The following WWOX variants were observed in gnomAD, a reference collection of about 807,000 sequenced individuals.
WWOX encodes the protein WW domain-containing oxidoreductase.
Under a neutral mutation model 46.2 loss-of-function variants are expected in WWOX, and 69 were observed. The ratio of observed to expected loss-of-function variants is 1.49; its 90% confidence interval spans 1.23 to 1.82. The LOEUF (loss-of-function observed/expected upper bound fraction) is 1.82, where lower values mean the gene tolerates loss of function less well. Ranked by LOEUF, WWOX falls within the 40% of genes most tolerant of loss-of-function variation. The probability of loss-of-function intolerance (pLI) is 0.00; values close to 1 mark genes in which losing one functional copy is unlikely to be tolerated. For synonymous variants in WWOX, 359 were observed against 202.6 expected, an observed-to-expected ratio of 1.77 and a Z score of -6.56; for missense variants, 919 against 542.6, an observed-to-expected ratio of 1.69 and a Z score of -6.89.
At chr16:78,189,272 A>C (rs913567427) in intron 5 of WWOX, among the ~76,000 whole-genome samples, 1 of 152,228 alleles carries the variant, frequency 6.6e-6, no homozygotes, top group African/African-American at 2.4e-5. Context: ...CACCTGTGCC[A>C]CGATGGTCTC....
chr16:78,808,176 G>T (rs1461754492), intron 8 of WWOX, among the ~76,000 whole-genome samples: 1 of 152,126 alleles, frequency 6.6e-6, no homozygotes, highest in Non-Finnish European at 1.5e-5. Flanking sequence ...TCCACCTCAA[G>T]ATCATGTCCT....
chr16:78,612,889 A>G (rs1211333370), intron 8 of WWOX, among the ~76,000 whole-genome samples: 2 of 152,226 alleles, frequency 1.3e-5, no homozygotes, highest in African/African-American at 4.8e-5. Context: ...TTAGGGTAAC[A>G]TGAGTGCTCA....
intron 8 of WWOX, among the ~76,000 whole-genome samples, chr16:79,044,278 C>A (rs8046508): frequency 2.6e-5 from 4 of 151,906 alleles, no homozygotes; most frequent in African/African-American, 9.7e-5. Flanking sequence ...TTCCAGCTGG[C>A]GGTCTGATAC....
At chr16:78,460,732 C>T (rs556297582) in intron 8 of WWOX, among the ~76,000 whole-genome samples, 10 of 152,342 alleles carry the variant, frequency 6.6e-5, no homozygotes, top group African/African-American at 1.9e-4. Flanking sequence ...ATTCGATCCA[C>T]GTGGCATAGC....
chr16:78,851,613 T>C (rs2052445067), intron 8 of WWOX, among the ~76,000 whole-genome samples: 1 of 152,222 alleles, frequency 6.6e-6, no homozygotes, highest in African/African-American at 2.4e-5. Flanking sequence ...CACCACTTTG[T>C]CCAACCTAGG....
intron 8 of WWOX, among the ~76,000 whole-genome samples, chr16:78,480,205 C>T (rs568884719): frequency 6.6e-6 from 1 of 152,268 alleles, no homozygotes; most frequent in Non-Finnish European, 1.5e-5. Context: ...TTCAAATCTT[C>T]AGTAGCCAGA....
intron 8 of WWOX, among the ~76,000 whole-genome samples, chr16:78,696,429 C>T (rs1479672167): frequency 6.6e-6 from 1 of 152,094 alleles, no homozygotes; most frequent in Non-Finnish European, 1.5e-5. Context: ...GCTGAGAAAA[C>T]CATACACATC....
At chr16:78,106,421 G>GTTTTT (rs34551316) in intron 1 of WWOX, among the ~76,000 whole-genome samples, 2 of 122,970 alleles carry the variant, frequency 1.6e-5, no homozygotes, top group Admixed American at 8.9e-5. Flanking sequence ...GTTTTTTTTT[G>GTTTTT]TTTTTTTTTT....
At chr16:78,427,507 A>C (rs1368847413) in intron 7 of WWOX, among the ~76,000 whole-genome samples, 1 of 151,744 alleles carries the variant, frequency 6.6e-6, no homozygotes, top group Non-Finnish European at 1.5e-5. Flanking sequence ...GCCCTCCCCC[A>C]CCCCACACAC....
intron 8 of WWOX, among the ~76,000 whole-genome samples, chr16:78,677,828 T>C (rs1467728607): frequency 6.6e-6 from 1 of 152,224 alleles, no homozygotes; most frequent in Non-Finnish European, 1.5e-5. Flanking sequence ...ATTTCCTTTA[T>C]GGTGTCCTTC....
chr16:79,159,361 G>A (rs1292373430), intron 8 of WWOX, among the ~76,000 whole-genome samples: 2 of 152,160 alleles, frequency 1.3e-5, no homozygotes, highest in Non-Finnish European at 2.9e-5. Context: ...AAATGTTCCT[G>A]CAAGTACTGG....
chr16:78,228,464 C>T (rs571921481), intron 5 of WWOX, among the ~76,000 whole-genome samples: 4 of 151,820 alleles, frequency 2.6e-5, no homozygotes, highest in South Asian at 2.1e-4. Context: ...ACCTCAGCCT[C>T]CTGAGCAGCT....
intron 8 of WWOX, among the ~76,000 whole-genome samples, chr16:79,063,223 A>G (rs1406669834): frequency 6.6e-6 from 1 of 152,176 alleles, no homozygotes; most frequent in South Asian, 2.1e-4. Flanking sequence ...ACCTCGAGGT[A>G]TTTTGGATAA....
At chr16:78,401,295 A>T (rs1430349029) in intron 6 of WWOX, among the ~76,000 whole-genome samples, 1 of 152,256 alleles carries the variant, frequency 6.6e-6, no homozygotes, top group Non-Finnish European at 1.5e-5. Context: ...AAGACTGAAT[A>T]TTTTAAGAAA....
intron 8 of WWOX, among the ~76,000 whole-genome samples, chr16:78,980,892 A>G (rs1391577065): frequency 6.6e-6 from 1 of 152,232 alleles, no homozygotes; most frequent in Non-Finnish European, 1.5e-5. Context: ...GGGTAAATGT[A>G]GAGGTGATGG....
At chr16:78,623,171 C>G (rs567052442) in intron 8 of WWOX, among the ~76,000 whole-genome samples, 17 of 151,876 alleles carry the variant, frequency 1.1e-4, no homozygotes, top group African/African-American at 3.9e-4. Flanking sequence ...TCAGCCATGC[C>G]CAGACTCCTA....
chr16:78,881,607 G>A (rs999454710), intron 8 of WWOX, among the ~76,000 whole-genome samples: 6 of 152,184 alleles, frequency 3.9e-5, no homozygotes, highest in Non-Finnish European at 7.3e-5. Flanking sequence ...GTGACTTGAT[G>A]TAAGGTATCT....
chr16:78,656,697 C>A (rs953080636), intron 8 of WWOX, among the ~76,000 whole-genome samples: 1 of 152,176 alleles, frequency 6.6e-6, no homozygotes, highest in African/African-American at 2.4e-5. Context: ...GGCTGGGACA[C>A]AAATCCCAAC....
intron 8 of WWOX, among the ~76,000 whole-genome samples, chr16:78,696,384 T>C (rs778421061): frequency 1.2e-4 from 18 of 152,188 alleles, no homozygotes; most frequent in East Asian, 3.9e-4. Flanking sequence ...CCCTGACTTA[T>C]AATGGTTTGA....
Sources: allele counts gnomAD v4.1 joint callset (sites outside exome capture counted in the v4.1 genomes callset), GRCh38; gene constraint gnomAD v4.1.1; transcripts MANE v1.5; gene names NCBI Gene and HGNC (gene_info 2026-07-23, HGNC 2026-07-21).